Variants in GRID2 observed in about 807,000 individuals in gnomAD.
GRID2 encodes glutamate ionotropic receptor delta type subunit 2, also known as glutamate receptor ionotropic, delta-2.
In GRID2, 33 loss-of-function variants were observed where a neutral mutation model predicts 114.8. That is an observed-to-expected ratio of 0.29 (90% confidence interval 0.22 to 0.38). The LOEUF (loss-of-function observed/expected upper bound fraction) is 0.38, where lower values mean the gene tolerates loss of function less well. GRID2 is among the 10% of genes least tolerant of loss of function. The probability of loss-of-function intolerance (pLI) is 1.00; values close to 1 mark genes in which losing one functional copy is unlikely to be tolerated. For synonymous variants in GRID2, 505 were observed against 449.9 expected (o/e 1.12, Z -1.55); for missense variants, 1,184 against 1,257.7 (o/e 0.94, Z 0.89).
intron 1 of GRID2, among the ~76,000 whole-genome samples, chr4:92,379,887 G>T (rs1387298578): frequency 4.6e-5 from 7 of 151,918 alleles, no homozygotes; most frequent in Admixed American, 4.6e-4. Flanking sequence ...GTATTAAATT[G>T]TTTTTTAAGC....
intron 8 of GRID2, among the ~76,000 whole-genome samples, chr4:93,263,670 A>T (rs1445765385): frequency 1.3e-5 from 2 of 152,126 alleles, no homozygotes; most frequent in Non-Finnish European, 2.9e-5. Flanking sequence ...TCATCTTGAC[A>T]GAGTCTAGGT....
chr4:93,709,460 T>C (rs1206783875), intron 14 of GRID2, among the ~76,000 whole-genome samples: 1 of 152,156 alleles, frequency 6.6e-6, no homozygotes, highest in Admixed American at 6.5e-5. Flanking sequence ...GTATTGGAGG[T>C]CATTTGTATG....
At chr4:93,316,781 T>C (rs780510367) in intron 8 of GRID2, among the ~76,000 whole-genome samples, 18 of 152,300 alleles carry the variant, frequency 1.2e-4, no homozygotes, top group Middle Eastern at 3.4e-3. Context: ...TAAATACATA[T>C]ATGTATTTGC....
chr4:92,360,813 C>A lies in GRID2; in HGVS notation c.88+56069C>A, dbSNP rs190197822. 2.6e-5 allele frequency among the ~76,000 whole-genome samples: 4 copies of A among 152,028 alleles called. No homozygotes were observed. The East Asian group carries it at 7.8e-4, about 30-fold the overall frequency. On this transcript the variant is annotated intron_variant, in intron 1 of 15. Transcript: ENST00000282020. ...TCTCTTAAAAAATCACATTGGCAAT[C>A]CTGATTCAAAGTGATCTCCACAGGA... is the stretch of plus-strand genomic sequence containing the variant.
At chr4:93,006,660 T>G in intron 2 of GRID2, among the ~76,000 whole-genome samples, 1 of 150,880 alleles carries the variant, frequency 6.6e-6, no homozygotes, top group East Asian at 1.9e-4. Flanking sequence ...ACACCCCCAA[T>G]TAAATAAGTT....
chr4:92,986,089 G>C (rs537867811), intron 2 of GRID2, among the ~76,000 whole-genome samples: 1 of 152,092 alleles, frequency 6.6e-6, no homozygotes, highest in African/African-American at 2.4e-5. Flanking sequence ...ATTTGCTTGG[G>C]GACATGGATC....
At chr4:92,639,225 T>C (rs1216038087) in intron 2 of GRID2, among the ~76,000 whole-genome samples, 2 of 151,796 alleles carry the variant, frequency 1.3e-5, no homozygotes, top group Non-Finnish European at 2.9e-5. Context: ...ATCTAAAATA[T>C]GGATAGAGTT....
intron 2 of GRID2, among the ~76,000 whole-genome samples, chr4:93,041,816 T>A (rs1012150131): frequency 2.0e-5 from 3 of 152,114 alleles, no homozygotes; most frequent in Non-Finnish European, 4.4e-5. Context: ...AGCCCTAACT[T>A]CTACTTGGTT....
chr4:93,759,051 A>T (rs1269269669), intron 14 of GRID2, among the ~76,000 whole-genome samples: 1 of 151,840 alleles, frequency 6.6e-6, no homozygotes, highest in Non-Finnish European at 1.5e-5. Context: ...CATTACCCTG[A>T]TTATCTATTC....
intron 14 of GRID2, among the ~76,000 whole-genome samples, chr4:93,648,422 A>G (rs1405918368): frequency 6.6e-6 from 1 of 152,204 alleles, no homozygotes; most frequent in Non-Finnish European, 1.5e-5. Context: ...TAAAGAAATG[A>G]CTAGAAACAT....
rs535393837 is a variant in GRID2, at chr4:92,914,877, A to G, written c.245-170118A>G. ...TGCTATTATAAGTAGTGCTGCTATG[A>G]ATATGTGTACATGAGTCTTTAAAAT... is the stretch of plus-strand genomic sequence containing the variant. On this transcript the variant is annotated intron_variant, in intron 2 of 15. Coordinates refer to ENST00000282020, the MANE Select transcript of GRID2 (RefSeq NM_001510.4). Among the ~76,000 whole-genome samples the G allele has an allele frequency of 7.2e-5, 11 of 152,272 alleles. No individual in the cohort carries two copies. The South Asian group carries it at 1.2e-3, about 17-fold the overall frequency.
chr4:93,648,469 A>T (rs1020808597), intron 14 of GRID2, among the ~76,000 whole-genome samples: 2 of 152,202 alleles, frequency 1.3e-5, no homozygotes, highest in Non-Finnish European at 2.9e-5. Context: ...TGAAATCTGT[A>T]CATCCTCAAG....
chr4:92,840,094 T>C (rs1463439434), intron 2 of GRID2, among the ~76,000 whole-genome samples: 3 of 152,208 alleles, frequency 2.0e-5, no homozygotes, highest in African/African-American at 4.8e-5. Context: ...TCTCTTCTTA[T>C]AGGTTTTGTC....
chr4:92,949,993 T>C (rs530431248), intron 2 of GRID2, among the ~76,000 whole-genome samples: 92 of 152,242 alleles, frequency 6.0e-4, no homozygotes, highest in Non-Finnish European at 1.0e-3. Flanking sequence ...AGTGCATTTA[T>C]TTAGGGCAAA....
intron 1 of GRID2, among the ~76,000 whole-genome samples, chr4:92,349,136 C>T (rs190501150): frequency 5.6e-4 from 85 of 151,988 alleles, no homozygotes; most frequent in African/African-American, 1.9e-3. Context: ...GCTTTTTAAA[C>T]TACACACCAA....
At chr4:92,321,062 T>C (rs1303560919) in intron 1 of GRID2, among the ~76,000 whole-genome samples, 1 of 152,208 alleles carries the variant, frequency 6.6e-6, no homozygotes, top group African/African-American at 2.4e-5. Flanking sequence ...TAGAATTACA[T>C]AGAAGGATCG....
At chr4:93,324,612 T>C (rs1757623734) in intron 8 of GRID2, among the ~76,000 whole-genome samples, 1 of 152,192 alleles carries the variant, frequency 6.6e-6, no homozygotes, top group Admixed American at 6.5e-5. Context: ...GAAGGAATGG[T>C]ACCAGCTCCT....
At chr4:92,455,661 C>G (rs1441335205) in intron 1 of GRID2, among the ~76,000 whole-genome samples, 3 of 152,044 alleles carry the variant, frequency 2.0e-5, no homozygotes, top group African/African-American at 7.2e-5. Flanking sequence ...ACCATTGTGT[C>G]TAGGTAGGGT....
intron 13 of GRID2, among the ~76,000 whole-genome samples, chr4:93,606,727 G>T (rs1021595816): frequency 2.0e-5 from 3 of 152,026 alleles, no homozygotes; most frequent in African/African-American, 7.2e-5. Flanking sequence ...GTGTGTCAAT[G>T]GCCCTCCTGG....
Sources: gnomAD v4.1 joint callset for allele counts (sites outside exome capture counted in the v4.1 genomes callset) on GRCh38, gnomAD v4.1.1 for gene constraint, MANE v1.5 for transcripts, NCBI Gene and HGNC (gene_info 2026-07-23, HGNC 2026-07-21) for gene names.